Variants in IL17RD observed in about 807,000 individuals in gnomAD.
IL17RD encodes the protein interleukin-17 receptor D.
IL17RD carries 52 observed loss-of-function variants against 80.5 expected under a neutral mutation model. That is an observed-to-expected ratio of 0.65 (90% CI 0.52 to 0.81). The LOEUF is 0.81. Among genes scored for constraint, IL17RD ranks in the 40% least tolerant of loss-of-function variants. IL17RD has a pLI of 0.00. For synonymous variants in IL17RD, 416 were observed against 391.8 expected, an observed-to-expected ratio of 1.06 and a Z score of -0.73; for missense variants, 1,024 against 955.1, an observed-to-expected ratio of 1.07 and a Z score of -0.95.
chr3:57,151,296 G>A (rs2060217474), intron 1 of IL17RD, among the ~76,000 whole-genome samples: 1 of 152,164 alleles, frequency 6.6e-6, no homozygotes, highest in African/African-American at 2.4e-5. Flanking sequence ...GATTTGAAGT[G>A]TTGGGTTTCA....
intron 3 of IL17RD, among the ~76,000 whole-genome samples, chr3:57,112,078 C>T (rs979010543): frequency 3.3e-5 from 5 of 152,078 alleles, no homozygotes; most frequent in African/African-American, 9.7e-5. Context: ...GTTCTGAGGC[C>T]GAGGGAAGAG....
At chr3:57,099,764 G>A (rs1345336983) in intron 11 of IL17RD, among the ~76,000 whole-genome samples, 1 of 152,082 alleles carries the variant, frequency 6.6e-6, no homozygotes, top group Non-Finnish European at 1.5e-5. Context: ...TCACAAATGG[G>A]ACAATATTGA....
In IL17RD at chr3:57,161,240, T is replaced by C. The variant is rs529265976; in HGVS notation, c.126+3921A>G. 2.6e-5 allele frequency among the ~76,000 whole-genome samples: 4 copies of C among 152,304 alleles called. No individual in the cohort carries two copies. In the East Asian group the frequency reaches 5.8e-4, roughly 22 times the overall value. On this transcript the variant is annotated intron_variant, in intron 1 of 12. Transcript: ENST00000296318. ...AAGAGCATCTGTAACATGGACAACA[T>C]GGCCATACGATAGGCAGACCAGATG...
intron 1 of IL17RD, among the ~76,000 whole-genome samples, chr3:57,163,142 G>C (rs138230886): frequency 9.4e-4 from 143 of 152,300 alleles, no homozygotes; most frequent in Middle Eastern, 3.4e-3. Flanking sequence ...AGCAAATCCA[G>C]GAGACAAGGA....
intron 1 of IL17RD, among the ~76,000 whole-genome samples, chr3:57,124,220 A>C (rs1817691): frequency 6.6e-6 from 1 of 151,930 alleles, no homozygotes; most frequent in Admixed American, 6.5e-5. Flanking sequence ...AGGCTAGCCC[A>C]TGGTGCACTT....
chr3:57,164,987 C>T lies in IL17RD; in HGVS notation c.126+174G>A, dbSNP rs1043438097. On this transcript the variant is annotated intron_variant, in intron 1 of 12. Coordinates refer to ENST00000296318, the MANE Select transcript of IL17RD (RefSeq NM_017563.5). Reference sequence around the variant, plus strand: ...TTTCATCTCGGCCAGGGCCGGAGGACACGCGTCCGGGGAGGGAAACCAGGA... The same window carrying T: ...TTTCATCTCGGCCAGGGCCGGAGGATACGCGTCCGGGGAGGGAAACCAGGA... 9 of 1,333,522 alleles carry T rather than the reference C, an allele frequency of 6.7e-6. No homozygotes were observed. In the African/African-American group the frequency reaches 7.8e-5, roughly 12 times the overall value. The allele number at this position is 1,333,522 out of a possible 1,614,324, so 82.6% of individuals were successfully genotyped here. A position where few individuals can be genotyped will look rare whatever the true frequency, so the allele number is the denominator to read the frequency against.
intron 2 of IL17RD, among the ~76,000 whole-genome samples, chr3:57,116,287 T>C (rs183623419): frequency 1.8e-4 from 26 of 145,452 alleles, no homozygotes; most frequent in African/African-American, 5.9e-4. Context: ...CTTTTCTTTT[T>C]TTTTTTTTTT....
chr3:57,160,746 G>A (rs2060298411), intron 1 of IL17RD, among the ~76,000 whole-genome samples: 1 of 152,148 alleles, frequency 6.6e-6, no homozygotes, highest in Non-Finnish European at 1.5e-5. Flanking sequence ...TGGATTGTGG[G>A]ACCCCTGTCC....
intron 1 of IL17RD, among the ~76,000 whole-genome samples, chr3:57,144,190 G>T (rs1250265469): frequency 2.0e-5 from 3 of 152,126 alleles, no homozygotes; most frequent in Admixed American, 2.0e-4. Flanking sequence ...GTGCTTCCAG[G>T]GGGTGTGACC....
intron 1 of IL17RD, among the ~76,000 whole-genome samples, chr3:57,164,471 T>C (rs1247132113): frequency 1.3e-5 from 2 of 152,150 alleles, no homozygotes; most frequent in African/African-American, 4.8e-5. Context: ...CTCACCCAGA[T>C]GACACCCACG....
At position 57,108,381 on chromosome 3, in the gene IL17RD, T is replaced by C. The variant is rs554273273; in HGVS notation, c.550+1156A>G. On this transcript the variant is annotated intron_variant, in intron 5 of 12. Coordinates refer to ENST00000296318, the MANE Select transcript of IL17RD (RefSeq NM_017563.5). ...CTGTCTTTTTTAACTAGAAATGGGG[T>C]CTTGCTATGTTGCCCAGGCTGGCCT... 4.6e-5 allele frequency among the ~76,000 whole-genome samples: 7 copies of C among 151,876 alleles called. No homozygotes were observed. The South Asian group carries it at 1.5e-3, about 32-fold the overall frequency.
rs1449902615 is a variant in IL17RD at position 57,142,546 on chromosome 3, C to T, written c.127-22233G>A. 1.3e-5 allele frequency: 17 copies of T among 1,276,768 alleles called. No individual in the cohort carries two copies. In the Admixed American group the frequency reaches 1.4e-4, roughly 10 times the overall value. 79.1% of individuals were successfully genotyped at this position (1,276,768 alleles called of 1,614,324 possible). Reference sequence around the variant, plus strand: ...CCGCCCCGTCTGACCTCCCCCACTCCGGCCTCCTGGCAGGGAGATAGGGCC... The same window carrying T: ...CCGCCCCGTCTGACCTCCCCCACTCTGGCCTCCTGGCAGGGAGATAGGGCC... On this transcript the variant is annotated intron_variant, in intron 1 of 12. Transcript: ENST00000296318.
chr3:57,091,808 GA>G lies in IL17RD; in HGVS notation c.*4584del, dbSNP rs1706561342. ...CAGAATCTCCTTCTTATAAAATAAA[GA>G]ATACCATCTACAGCCATATGTCTGG... is the stretch of plus-strand genomic sequence containing the variant. On this transcript the variant is annotated 3_prime_UTR_variant, in exon 13 of 13. Coordinates refer to ENST00000296318, the MANE Select transcript of IL17RD (RefSeq NM_017563.5). 6.6e-6 allele frequency: 1 copy of G among 152,140 alleles called. No individual in the cohort carries two copies. Among genetic ancestry groups the G allele is most frequent in the Non-Finnish European group, 1.5e-5 (1 of 68,024 alleles). The allele number at this position is 152,140 out of a possible 1,614,324, so 9.4% of individuals were successfully genotyped here.
chr3:57,155,545 G>C (rs2060261553), intron 1 of IL17RD, among the ~76,000 whole-genome samples: 1 of 152,216 alleles, frequency 6.6e-6, no homozygotes. Context: ...GCTACTCTCA[G>C]CACTAACTGC....
intron 4 of IL17RD, 32 bp from the exon 5 acceptor site, chr3:57,109,689 G>A: frequency 1.2e-6 from 2 of 1,602,386 alleles, no homozygotes; most frequent in South Asian, 1.1e-5. Flanking sequence ...GTGACATCAT[G>A]GAGAAATTAC....
In IL17RD at chr3:57,105,989, C is replaced by G; in HGVS notation, c.615G>C (p.Leu205=). ...ACKPFWKPRN[L]NISQHGSDMQ... The stretch of plus-strand genomic sequence containing the variant: ...TGTCCGAGCCATGCTGGCTGATGTT[C>G]AGGTTCCGAGGCTTCCAGACTGGAA... Residue 205 remains leucine (L), a synonymous_variant, in exon 7 of 13, where the codon CTG becomes CTC. Transcript: ENST00000296318. The G allele has an allele frequency of 1.2e-6, 2 of 1,613,852 alleles. No individual in the cohort carries two copies. The highest frequency in any genetic ancestry group is 2.2e-5 in the South Asian group (2 of 91,058).
chr3:57,163,393 G>A (rs1386063634), intron 1 of IL17RD, among the ~76,000 whole-genome samples: 3 of 152,158 alleles, frequency 2.0e-5, no homozygotes, highest in Admixed American at 6.5e-5. Context: ...GAACACACTC[G>A]CACAGGTAGA....
At chr3:57,169,400 A>G, upstream of IL17RD, 1 of 303,216 alleles carries the variant, frequency 3.3e-6, no homozygotes, top group South Asian at 2.6e-5. Context: ...CAAAGCTGAG[A>G]ATTAAACAGA....
At chr3:57,135,621 A>C (rs1707708807) in intron 1 of IL17RD, among the ~76,000 whole-genome samples, 1 of 152,226 alleles carries the variant, frequency 6.6e-6, no homozygotes, top group Non-Finnish European at 1.5e-5. Context: ...ATCCTAATAT[A>C]TATAACATTT....
Sources: allele counts gnomAD v4.1 joint callset (sites outside exome capture counted in the v4.1 genomes callset), GRCh38; gene constraint gnomAD v4.1.1; transcripts MANE v1.5; gene names NCBI Gene and HGNC (gene_info 2026-07-23, HGNC 2026-07-21).